The following MECOM variants were observed in gnomAD, a reference collection of about 807,000 sequenced individuals.
The protein encoded by MECOM is MDS1 and EVI1 complex locus.
A neutral mutation model predicts 116.3 loss-of-function variants in MECOM; 13 were observed. That is an observed-to-expected ratio of 0.11 (90% CI 0.07 to 0.18). The LOEUF is 0.18. MECOM is among the 10% of genes least tolerant of loss of function. MECOM has a pLI of 1.00. For synonymous variants in MECOM, 528 were observed against 535.2 expected, an observed-to-expected ratio of 0.99 and a Z score of 0.19; for missense variants, 1,299 against 1,509.0, an observed-to-expected ratio of 0.86 and a Z score of 2.31.
At chr3:169,587,422 C>T (rs1017724926) in intron 1 of MECOM, among the ~76,000 whole-genome samples, 5 of 127,492 alleles carry the variant, frequency 3.9e-5, no homozygotes, top group Admixed American at 9.2e-5. Context: ...TAAACCCACA[C>T]GCCAACACAC....
chr3:169,403,385 T>C (rs1325084559), intron 1 of MECOM, among the ~76,000 whole-genome samples: 2 of 152,216 alleles, frequency 1.3e-5, no homozygotes, highest in Admixed American at 1.3e-4. Flanking sequence ...GTAATTTAGG[T>C]CCAACATCCC....
In MECOM at chr3:169,122,819, C is replaced by T. The variant is rs3851381; in HGVS notation, c.831-92G>A. ...TTAATCCAACTGGTAATTAAAGAAA[C>T]AAGAAGGAAAAGGAGTTGAACTGAG... On this transcript the variant is annotated intron_variant, in intron 5 of 16. Coordinates refer to ENST00000651503, the MANE Select transcript of MECOM (RefSeq NM_004991.4). 1,396,705 of 1,436,178 alleles carry T rather than the reference C, an allele frequency of 0.97. 679,272 individuals are homozygous for T. The highest frequency in any genetic ancestry group is 1 in the East Asian group (43,449 of 43,456). The allele number at this position is 1,436,178 out of a possible 1,614,324, so 89.0% of individuals were successfully genotyped here.
At position 169,375,398 on chromosome 3, in the gene MECOM, T is replaced by A. The variant is rs563479066; in HGVS notation, c.375+5789A>T. Among the ~76,000 whole-genome samples the A allele has an allele frequency of 9.3e-5, 14 of 151,338 alleles. No homozygotes were observed. The South Asian group carries it at 2.5e-3, about 27-fold the overall frequency. ...ATCAATGAATCCAGGAGCTGTTTTT[T>A]AAAAAAAAAATTGACAAAATAGATA... On this transcript the variant is annotated intron_variant, in intron 2 of 16. Transcript: ENST00000651503.
intron 2 of MECOM, among the ~76,000 whole-genome samples, chr3:169,371,453 TTAA>T (rs529608485): frequency 1.3e-5 from 2 of 151,724 alleles, no homozygotes; most frequent in Non-Finnish European, 2.9e-5. Context: ...GTGTCTATAG[TTAA>T]TAATAATGTA....
chr3:169,576,883 G>A (rs1764579779), intron 1 of MECOM, among the ~76,000 whole-genome samples: 1 of 149,442 alleles, frequency 6.7e-6, no homozygotes, highest in Admixed American at 6.7e-5. Flanking sequence ...CCATTCACAA[G>A]TTTGGGGATT....
intron 1 of MECOM, among the ~76,000 whole-genome samples, chr3:169,498,342 G>A (rs1170296178): frequency 3.9e-5 from 6 of 152,098 alleles, no homozygotes; most frequent in Non-Finnish European, 5.9e-5. Context: ...GTTCAAAAGC[G>A]AGAAATAATG....
chr3:169,374,835 C>T (rs1730740803), intron 2 of MECOM, among the ~76,000 whole-genome samples: 1 of 151,830 alleles, frequency 6.6e-6, no homozygotes, highest in South Asian at 2.1e-4. Flanking sequence ...GAGTTTGAGA[C>T]CAGCCTGGGC....
chr3:169,097,587 C>T (rs941599888), intron 12 of MECOM, among the ~76,000 whole-genome samples: 13 of 151,802 alleles, frequency 8.6e-5, no homozygotes, highest in African/African-American at 2.9e-4. Context: ...GCAGACTTTG[C>T]GGAAGGCAAT....
At chr3:169,203,113 C>A (rs1749409487) in intron 2 of MECOM, among the ~76,000 whole-genome samples, 1 of 152,102 alleles carries the variant, frequency 6.6e-6, no homozygotes, top group Non-Finnish European at 1.5e-5. Context: ...TCAAGGTGAG[C>A]CTATGAACTT....
At chr3:169,142,877 T>C (rs16853239) in intron 3 of MECOM, among the ~76,000 whole-genome samples, 9,808 of 152,048 alleles carry the variant, frequency 0.065, 469 homozygotes, top group South Asian at 0.22. Context: ...CTTTGAAACA[T>C]ATTTGATTTA....
intron 1 of MECOM, among the ~76,000 whole-genome samples, chr3:169,420,080 A>T (rs950350707): frequency 4.6e-5 from 7 of 152,226 alleles, no homozygotes; most frequent in Admixed American, 4.6e-4. Context: ...CGCCAGTTAG[A>T]ATGGCGATCA....
intron 1 of MECOM, among the ~76,000 whole-genome samples, chr3:169,589,108 T>C (rs987448924): frequency 1.1e-4 from 16 of 152,124 alleles, no homozygotes; most frequent in African/African-American, 3.6e-4. Context: ...GGCTGTGTGG[T>C]AGCTTCTGAA....
At chr3:169,231,774 G>GAA (rs11456636) in intron 2 of MECOM, among the ~76,000 whole-genome samples, 30 of 137,066 alleles carry the variant, frequency 2.2e-4, no homozygotes, top group African/African-American at 4.8e-4. Context: ...CCCATGACCA[G>GAA]AAAAAAAAAA....
chr3:169,250,223 G>A (rs1269560840), intron 2 of MECOM, among the ~76,000 whole-genome samples: 2 of 152,148 alleles, frequency 1.3e-5, no homozygotes, highest in East Asian at 3.9e-4. Flanking sequence ...CAAAACAAAG[G>A]ACACAAAATT....
At chr3:169,526,123 G>A (rs926960762) in intron 1 of MECOM, among the ~76,000 whole-genome samples, 4 of 151,958 alleles carry the variant, frequency 2.6e-5, no homozygotes, top group Non-Finnish European at 5.9e-5. Flanking sequence ...TGAAACAATA[G>A]TTGACTCAGG....
At chr3:169,436,505 CT>C (rs1742676927) in intron 1 of MECOM, among the ~76,000 whole-genome samples, 1 of 152,126 alleles carries the variant, frequency 6.6e-6, no homozygotes, top group African/African-American at 2.4e-5. Flanking sequence ...CTGCTTCAGC[CT>C]CCCAAATTGC....
chr3:169,477,356 A>G (rs1036890301), intron 1 of MECOM, among the ~76,000 whole-genome samples: 6 of 151,814 alleles, frequency 4.0e-5, no homozygotes, highest in African/African-American at 1.5e-4. Flanking sequence ...ATGGGCAAAG[A>G]ATTGCACAAA....
At chr3:169,654,819 C>CACAT (rs1391202499) in intron 1 of MECOM, among the ~76,000 whole-genome samples, 1 of 150,770 alleles carries the variant, frequency 6.6e-6, no homozygotes, top group Non-Finnish European at 1.5e-5. Context: ...TCAAAACACA[C>CACAT]ACACACACAC....
At chr3:169,578,853 T>C (rs1455249625) in intron 1 of MECOM, among the ~76,000 whole-genome samples, 4 of 152,204 alleles carry the variant, frequency 2.6e-5, no homozygotes, top group Non-Finnish European at 5.9e-5. Context: ...CTCTTTCATT[T>C]AACCACATAT....
Sources: allele counts gnomAD v4.1 joint callset (sites outside exome capture counted in the v4.1 genomes callset), GRCh38; gene constraint gnomAD v4.1.1; transcripts MANE v1.5; gene names NCBI Gene and HGNC (gene_info 2026-07-23, HGNC 2026-07-21).